The following ALDH1A2 variants were observed in gnomAD, a reference collection of about 807,000 sequenced individuals.
ALDH1A2 encodes the protein aldehyde dehydrogenase 1 family member A2.
ALDH1A2 carries 27 observed loss-of-function variants against 60.3 expected under a neutral mutation model. That is an observed-to-expected ratio of 0.45 (90% CI 0.33 to 0.62). The LOEUF is 0.62. Among genes scored for constraint, ALDH1A2 ranks in the 20% least tolerant of loss-of-function variants. The pLI, the probability that ALDH1A2 is intolerant of heterozygous loss-of-function variation, is 0.02. For synonymous variants in ALDH1A2, 289 were observed against 232.4 expected, an observed-to-expected ratio of 1.24 and a Z score of -2.21; for missense variants, 581 against 643.8, an observed-to-expected ratio of 0.90 and a Z score of 1.06.
At chr15:58,042,339 A>C (rs1896537531) in intron 1 of ALDH1A2, among the ~76,000 whole-genome samples, 1 of 151,960 alleles carries the variant, frequency 6.6e-6, no homozygotes, top group South Asian at 2.1e-4. Context: ...TACTTTACCT[A>C]AACCCTCCAC....
chr15:58,030,633 C>T (rs115974139), intron 1 of ALDH1A2, among the ~76,000 whole-genome samples: 31 of 152,118 alleles, frequency 2.0e-4, no homozygotes, highest in Non-Finnish European at 3.4e-4. Flanking sequence ...TTGTATATTT[C>T]GAAAACCCCA....
chr15:57,995,173 TTTAGA>T, intron 4 of ALDH1A2, 34 bp from the exon 5 acceptor site: 1 of 1,523,284 alleles, frequency 6.6e-7, no homozygotes, highest in Non-Finnish European at 9.0e-7. Context: ...TCCCAGAAAG[TTTAGA>T]TTAGGAAAAA....
chr15:58,008,839 C>T (rs1331341842), intron 4 of ALDH1A2, among the ~76,000 whole-genome samples: 1 of 152,080 alleles, frequency 6.6e-6, no homozygotes, highest in African/African-American at 2.4e-5. Context: ...TTCTCAGGCC[C>T]TCTAATAGGT....
chr15:58,063,195 T>C (rs1290688746), intron 1 of ALDH1A2, among the ~76,000 whole-genome samples: 1 of 152,194 alleles, frequency 6.6e-6, no homozygotes, highest in Non-Finnish European at 1.5e-5. Context: ...ATACAGAAAG[T>C]CATATCCTTC....
At position 57,956,175 on chromosome 15, in the gene ALDH1A2, A is replaced by G. The variant is rs12910113; in HGVS notation, c.1485-906T>C. ...GGTATAGCCTACAACAGCAGGCACAAAGAAGGTACCTGATGACCAAGGAAG... is the reference window on the plus strand; with the variant it reads ...GGTATAGCCTACAACAGCAGGCACAGAGAAGGTACCTGATGACCAAGGAAG... On this transcript the variant is annotated intron_variant, in intron 12 of 12. Coordinates refer to ENST00000249750, the MANE Select transcript of ALDH1A2 (RefSeq NM_003888.4). Among the ~76,000 whole-genome samples the G allele has an allele frequency of 2.1e-4, 32 of 152,088 alleles. No individual in the cohort carries two copies. The South Asian group carries it at 5.0e-3, about 24-fold the overall frequency.
chr15:57,967,554 C>T (rs1178581593), intron 7 of ALDH1A2, among the ~76,000 whole-genome samples: 1 of 152,182 alleles, frequency 6.6e-6, no homozygotes, highest in Non-Finnish European at 1.5e-5. Flanking sequence ...AACTTCCCCT[C>T]AGTCTCCAAT....
intron 3 of ALDH1A2, among the ~76,000 whole-genome samples, 197 bp downstream of exon 3, chr15:58,013,661 A>G (rs1595667037): frequency 6.6e-6 from 1 of 152,184 alleles, no homozygotes. Flanking sequence ...CTGAGGCAGG[A>G]GAATCGCTTG....
rs1161135397 is a variant in ALDH1A2 at position 57,954,723 on chromosome 15, T to C, written c.*474A>G. Reference sequence around the variant, plus strand: ...AATTTGGCTTTACAACCTTGAAAAATTGTTCCCGGCCCAAACATCTGCCCC... The same window carrying C: ...AATTTGGCTTTACAACCTTGAAAAACTGTTCCCGGCCCAAACATCTGCCCC... On this transcript the variant is annotated 3_prime_UTR_variant, in exon 13 of 13. Coordinates refer to ENST00000249750, the MANE Select transcript of ALDH1A2 (RefSeq NM_003888.4). 1.6e-5 allele frequency: 3 copies of C among 190,060 alleles called. No individual in the cohort carries two copies. Among genetic ancestry groups the C allele is most frequent in the Non-Finnish European group, 3.4e-5 (3 of 88,568 alleles). The allele number at this position is 190,060 out of a possible 1,614,324, so 11.8% of individuals were successfully genotyped here.
intron 4 of ALDH1A2, among the ~76,000 whole-genome samples, chr15:58,004,995 A>G (rs915996257): frequency 3.3e-5 from 5 of 151,746 alleles, no homozygotes; most frequent in African/African-American, 1.2e-4. Context: ...CTAAAATGTA[A>G]TTTTGATCAA....
At chr15:58,027,773 T>A (rs2140535570) in intron 1 of ALDH1A2, among the ~76,000 whole-genome samples, 1 of 152,202 alleles carries the variant, frequency 6.6e-6, no homozygotes, top group Middle Eastern at 3.4e-3. Context: ...AATAGCTGAT[T>A]CAATCAAGTA....
At chr15:58,055,541 T>A (rs995716027) in intron 1 of ALDH1A2, among the ~76,000 whole-genome samples, 1 of 151,904 alleles carries the variant, frequency 6.6e-6, no homozygotes, top group Non-Finnish European at 1.5e-5. Context: ...ATAAGTAATA[T>A]GAATGCTCAG....
chr15:57,974,483 A>T (rs1372070448), intron 7 of ALDH1A2, among the ~76,000 whole-genome samples: 1 of 151,836 alleles, frequency 6.6e-6, no homozygotes, highest in African/African-American at 2.4e-5. Context: ...AAATATGGAA[A>T]ATTTATGCTT....
At chr15:58,006,697 A>T (rs1895469190) in intron 4 of ALDH1A2, among the ~76,000 whole-genome samples, 1 of 116,800 alleles carries the variant, frequency 8.6e-6, no homozygotes. Flanking sequence ...TTATTTTTAA[A>T]TTATGGACTT....
At chr15:57,986,830 G>A (rs1264898769) in intron 7 of ALDH1A2, among the ~76,000 whole-genome samples, 4 of 151,928 alleles carry the variant, frequency 2.6e-5, no homozygotes, top group African/African-American at 4.8e-5. Flanking sequence ...GCAACACCAC[G>A]CCTGGCTAGA....
intron 4 of ALDH1A2, among the ~76,000 whole-genome samples, chr15:58,008,601 A>G (rs1895534008): frequency 6.6e-6 from 1 of 152,126 alleles, no homozygotes; most frequent in Admixed American, 6.5e-5. Context: ...ATCTATGTGC[A>G]TTGCCTTCTG....
chr15:58,058,647 T>C (rs1896953533), intron 1 of ALDH1A2, among the ~76,000 whole-genome samples: 1 of 152,160 alleles, frequency 6.6e-6, no homozygotes, highest in Non-Finnish European at 1.5e-5. Flanking sequence ...TTCTTCTAGA[T>C]AAGAAACAGG....
At chr15:58,002,095 A>G (rs1336077545) in intron 4 of ALDH1A2, among the ~76,000 whole-genome samples, 8 of 151,890 alleles carry the variant, frequency 5.3e-5, no homozygotes, top group African/African-American at 1.9e-4. Flanking sequence ...TTTTCTGATG[A>G]GTTTTGATAC....
At chr15:58,015,275 TAATA>T (rs1370458750) in intron 1 of ALDH1A2, among the ~76,000 whole-genome samples, 1 of 152,064 alleles carries the variant, frequency 6.6e-6, no homozygotes, top group African/African-American at 2.4e-5. Flanking sequence ...AGATGAGGCT[TAATA>T]AATATAAATC....
At chr15:57,994,824 A>G (rs567878378) in intron 5 of ALDH1A2, among the ~76,000 whole-genome samples, 8 of 152,280 alleles carry the variant, frequency 5.3e-5, no homozygotes, top group South Asian at 2.1e-4. Context: ...TTATTAATAC[A>G]CTGTGCTTTG....
Sources: gnomAD v4.1 joint callset for allele counts (sites outside exome capture counted in the v4.1 genomes callset) on GRCh38, gnomAD v4.1.1 for gene constraint, MANE v1.5 for transcripts, NCBI Gene and HGNC (gene_info 2026-07-23, HGNC 2026-07-21) for gene names.